Variants in UTP20 observed in about 807,000 individuals in gnomAD.
UTP20 encodes UTP20 small subunit processome component, also known as small subunit processome component 20 homolog.
UTP20 carries 164 observed loss-of-function variants against 329.5 expected under a neutral mutation model. The observed-to-expected ratio is 0.50, with a 90% CI of 0.44 to 0.57. The LOEUF (loss-of-function observed/expected upper bound fraction) is 0.57. Ranked by LOEUF, UTP20 falls within the 20% of genes least tolerant of loss-of-function variation. UTP20 has a pLI of 0.00. For synonymous variants in UTP20, 1,151 were observed against 1,159.3 expected (o/e 0.99, Z 0.14); for missense variants, 3,055 against 3,284.2 (o/e 0.93, Z 1.71).
intron 2 of UTP20, among the ~76,000 whole-genome samples, chr12:101,283,100 C>T (rs1247599828): frequency 6.6e-6 from 1 of 152,174 alleles, no homozygotes; most frequent in Non-Finnish European, 1.5e-5. Flanking sequence ...ATATATGGAT[C>T]TGGAGTATAG....
At position 101,354,275 on chromosome 12, in the gene UTP20, A is replaced by G. The variant is rs1415625963; in HGVS notation, c.5108-557A>G. Among the ~76,000 whole-genome samples, 8 of 134,438 alleles carry G rather than the reference A, an allele frequency of 6.0e-5. No individual in the cohort carries two copies. The East Asian group carries it at 8.5e-4, about 14-fold the overall frequency. The allele number at this position is 134,438 out of a possible 152,430, so 88.2% of individuals were successfully genotyped here. On this transcript the variant is annotated intron_variant, in intron 40 of 61. Transcript: ENST00000261637. Reference sequence around the variant, plus strand: ...AGACTCTGTCTCAAAAAAAAAAAAAAAAAAAAAAAGAAAAGAAATTCAATC... The same window carrying G: ...AGACTCTGTCTCAAAAAAAAAAAAAGAAAAAAAAAGAAAAGAAATTCAATC...
intron 14 of UTP20, 98 bp downstream of exon 14, chr12:101,300,159 G>T: frequency 8.4e-7 from 1 of 1,185,120 alleles, no homozygotes; most frequent in Non-Finnish European, 1.2e-6. Flanking sequence ...CTTACATTGT[G>T]TTCTGGCATA....
At chr12:101,355,258 C>A in intron 41 of UTP20, 140 bp downstream of exon 41, 1 of 947,146 alleles carries the variant, frequency 1.1e-6, no homozygotes, top group Non-Finnish European at 1.5e-6. Flanking sequence ...CAATTCACCC[C>A]TCTACTCTTA....
chr12:101,359,378 A>T (rs1869834541), intron 43 of UTP20, among the ~76,000 whole-genome samples: 1 of 151,884 alleles, frequency 6.6e-6, no homozygotes, highest in Non-Finnish European at 1.5e-5. Flanking sequence ...AGTATTTTTT[A>T]AAGTAAATTT....
chr12:101,375,584 G>A (rs1336948438), intron 55 of UTP20, 40 bp from the exon 56 acceptor site: 2 of 1,603,558 alleles, frequency 1.2e-6, no homozygotes, highest in East Asian at 4.5e-5. Flanking sequence ...GATACTTTCA[G>A]ATTGTTGTTT....
intron 12 of UTP20, among the ~76,000 whole-genome samples, chr12:101,295,891 AAACTTGTT>A (rs1872331243): frequency 6.6e-6 from 1 of 152,214 alleles, no homozygotes. Flanking sequence ...AAGGATACAG[AAACTTGTT>A]AACTTTGTTT....
rs775380642 is a variant in UTP20, at chr12:101,309,848, G to T, written c.2231+9G>T. On this transcript the variant is annotated intron_variant, in intron 19 of 61. Coordinates refer to ENST00000261637, the MANE Select transcript of UTP20 (RefSeq NM_014503.3). ...GTTATTGAACTCATAAGGTAAACATGGGTTAAATGGGATGAAACTATTATA... is the reference window on the plus strand; with the variant it reads ...GTTATTGAACTCATAAGGTAAACATTGGTTAAATGGGATGAAACTATTATA... The T allele has an allele frequency of 7.5e-6, 12 of 1,609,814 alleles. No individual in the cohort carries two copies. In the East Asian group the frequency reaches 2.0e-4, roughly 27 times the overall value.
At chr12:101,373,180 TAA>T (rs1870348603) in intron 52 of UTP20, among the ~76,000 whole-genome samples, 1 of 152,188 alleles carries the variant, frequency 6.6e-6, no homozygotes, top group Non-Finnish European at 1.5e-5. Flanking sequence ...TTGATTGTCA[TAA>T]GAGTCCACTT....
chr12:101,385,711 A>C lies in UTP20; in HGVS notation c.8185A>C (p.Lys2729Gln). ...QANEKRALRKKRKALEFVTNP... is the reference protein window; with the variant it reads ...QANEKRALRKQRKALEFVTNP... ...TAATGAGAAAAGGGCACTCCGGAAA[A>C]AGAGGAAGGCCCTGGAGGTAAGTTT... The change falls in exon 61 of 62, where the codon AAG becomes CAG. Residue 2729 changes from lysine (K) to glutamine (Q), a missense_variant. Coordinates refer to ENST00000261637, the MANE Select transcript of UTP20 (RefSeq NM_014503.3). 6.2e-7 allele frequency: 1 copy of C among 1,611,382 alleles called. No homozygotes were observed.
intron 21 of UTP20, among the ~76,000 whole-genome samples, chr12:101,315,399 G>C (rs1872941360): frequency 6.6e-6 from 1 of 151,590 alleles, no homozygotes; most frequent in Admixed American, 6.6e-5. Context: ...CAGAAGAATC[G>C]CTTGAACCCA....
chr12:101,369,694 G>T (rs368177577), intron 48 of UTP20, 27 bp from the exon 49 acceptor site: 45 of 1,221,826 alleles, frequency 3.7e-5, no homozygotes, highest in Non-Finnish European at 4.5e-5. Context: ...ATCACAAGTT[G>T]GTGGTGTTTT....
At chr12:101,349,977 G>A (rs1176940015) in intron 38 of UTP20, among the ~76,000 whole-genome samples, 2 of 151,178 alleles carry the variant, frequency 1.3e-5, no homozygotes, top group Admixed American at 6.6e-5. Context: ...CTAATCTGCT[G>A]TAAATCCCAT....
In UTP20 at chr12:101,383,102, A is replaced by C; in HGVS notation, c.7718A>C (p.Asp2573Ala). 1.9e-6 allele frequency: 3 copies of C among 1,613,604 alleles called. No individual in the cohort carries two copies. Among genetic ancestry groups the C allele is most frequent in the Non-Finnish European group, 2.5e-6 (3 of 1,179,792 alleles). ...TATTTACTGGAACTTTATTGTGAGG[A>C]TAAGCAAAGTAAGATAAAAGAAGAC... ...VLYLLELYCE[D>A]KQSKIKEDLE... is the part of the protein sequence containing the mutation. The change falls in exon 59 of 62, where the codon GAT becomes GCT. Residue 2573 changes from aspartate to alanine, a missense_variant. By Grantham distance (126) the Asp-to-Ala change is moderately radical. Around this residue, in one of 3 missense-constraint regions of UTP20, gnomAD observed 337 missense variants for 345.5 expected, o/e 0.98. Transcript: ENST00000261637.
rs1593442083 is a variant in UTP20, at chr12:101,346,378, A to C, written c.4747-73A>C. 6.7e-6 allele frequency: 10 copies of C among 1,488,754 alleles called. No homozygotes were observed. In the East Asian group the frequency reaches 2.1e-4, roughly 32 times the overall value. 92.2% of individuals were successfully genotyped at this position (1,488,754 alleles called of 1,614,324 possible). A position where few individuals can be genotyped will look rare whatever the true frequency, so the allele number is the denominator to read the frequency against. On this transcript the variant is annotated intron_variant, in intron 37 of 61. Coordinates refer to ENST00000261637, the MANE Select transcript of UTP20 (RefSeq NM_014503.3). ...CCTTTAATCTTTTTATGAAAAGAGA[A>C]TACGATACTAAAATGGAGCTGGTTG...
In UTP20 at chr12:101,285,575, T is replaced by C; in HGVS notation, c.132T>C (p.Val44=). ...GACTGCTTTAATCTTGACAGGAGGTTGAAACCTACTTTTTTGAGGGTCTGC... is the reference window on the plus strand; with the variant it reads ...GACTGCTTTAATCTTGACAGGAGGTCGAAACCTACTTTTTTGAGGGTCTGC... ...IDRTASYEEE[V]ETYFFEGLLK... The change falls in exon 3 of 62, where the codon GTT becomes GTC. Residue 44 remains valine, a synonymous_variant. Coordinates refer to ENST00000261637, the MANE Select transcript of UTP20 (RefSeq NM_014503.3). The C allele has an allele frequency of 6.2e-7, 1 of 1,613,750 alleles. No homozygotes were observed. The highest frequency in any genetic ancestry group is 1.3e-5 in the African/African-American group (1 of 75,038).
Position 101,371,106 on chromosome 12 carries a change from C to A in UTP20, c.6736C>A (p.Arg2246=), listed in dbSNP as rs753392000. 1 of 1,614,034 alleles carries A rather than the reference C, an allele frequency of 6.2e-7. No individual in the cohort carries two copies. Among genetic ancestry groups the A allele is most frequent in the South Asian group, 1.1e-5 (1 of 91,058 alleles). ...LLVPEIDEVM[R]KVSKLAVSAQ... ...GGTCCCAGAAATCGATGAGGTCATG[C>A]GGAAAGTATCCAAGTTGGCAGTCTC... Residue 2246 remains arginine (R), a synonymous_variant, in exon 51 of 62, where the codon CGG becomes AGG. Coordinates refer to ENST00000261637, the MANE Select transcript of UTP20 (RefSeq NM_014503.3).
chr12:101,334,522 T>A lies in UTP20; in HGVS notation c.3641+18T>A. On this transcript the variant is annotated intron_variant, in intron 29 of 61. Transcript: ENST00000261637. ...AACGCAAGGTATAACCTTTCTTTTT[T>A]CCTTCTTTAAAAAGGGCAGTGTTTT... 1 of 1,601,342 alleles carries A rather than the reference T, an allele frequency of 6.2e-7. No individual in the cohort carries two copies.
chr12:101,334,970 CAA>C (rs954183189), intron 29 of UTP20, among the ~76,000 whole-genome samples: 39 of 102,534 alleles, frequency 3.8e-4, no homozygotes, highest in Admixed American at 4.1e-4. Context: ...GACCCTGTCT[CAA>C]AAAAAAAAAA....
intron 57 of UTP20, 33 bp downstream of exon 57, chr12:101,379,591 G>C: frequency 1.3e-6 from 2 of 1,587,076 alleles, no homozygotes; most frequent in Non-Finnish European, 1.7e-6. Flanking sequence ...TCCTTCCCTC[G>C]TGACTGTAAG....
Sources: allele counts gnomAD v4.1 joint callset (sites outside exome capture counted in the v4.1 genomes callset), GRCh38; gene constraint gnomAD v4.1.1; regional missense constraint gnomAD v4.1.1; transcripts MANE v1.5; gene names NCBI Gene and HGNC (gene_info 2026-07-23, HGNC 2026-07-21).